FEZ1: variants seen among roughly 807,000 people sequenced by gnomAD.
FEZ1 encodes fasciculation and elongation protein zeta 1, also known as fasciculation and elongation protein zeta-1.
In FEZ1, 20 loss-of-function variants were observed where a neutral mutation model predicts 49.3. The observed-to-expected ratio is 0.41, with a 90% CI of 0.29 to 0.59. FEZ1 has a LOEUF of 0.59. Among genes scored for constraint, FEZ1 ranks in the 20% least tolerant of loss-of-function variants. The pLI is 0.36. For missense variants in FEZ1, 413 were observed against 476.0 expected (o/e 0.87, Z 1.23); for synonymous variants, 170 against 180.9 (o/e 0.94, Z 0.48).
rs890475285 is a variant in FEZ1, at chr11:125,473,596, A to C, written c.411+7938T>G. On this transcript the variant is annotated intron_variant, in intron 3 of 9. Transcript: ENST00000278919. ...CACTTTGGGAGGCCAAGACGGGTGGATCACTTGAGGTCAGGAGTTCAAGAC... is the reference window on the plus strand; with the variant it reads ...CACTTTGGGAGGCCAAGACGGGTGGCTCACTTGAGGTCAGGAGTTCAAGAC... 1.5e-4 allele frequency among the ~76,000 whole-genome samples: 23 copies of C among 152,186 alleles called. 1 individual carries two copies. Among genetic ancestry groups the C allele is most frequent in the African/African-American group, 5.5e-4 (23 of 41,456 alleles).
chr11:125,456,690 C>T (rs1291358908), intron 5 of FEZ1, among the ~76,000 whole-genome samples: 1 of 152,140 alleles, frequency 6.6e-6, no homozygotes, highest in African/African-American at 2.4e-5. Context: ...AGCGGGTTAG[C>T]ATACGGCAGT....
At position 125,480,283 on chromosome 11, in the gene FEZ1, G is replaced by A. The variant is rs373071057; in HGVS notation, c.411+1251C>T. ...CCCAGCTACTCGGGGAGGGGGTGGT[G>A]GGTAAGGCTGGAGGATCACTTGAGC... On this transcript the variant is annotated intron_variant, in intron 3 of 9. Coordinates refer to ENST00000278919, the MANE Select transcript of FEZ1 (RefSeq NM_005103.5). Among the ~76,000 whole-genome samples, 7 of 152,146 alleles carry A rather than the reference G, an allele frequency of 4.6e-5. No individual in the cohort carries two copies. The South Asian group carries it at 1.2e-3, about 27-fold the overall frequency.
At chr11:125,449,441 A>AAAAAAAAAAAAAAAAAGG (rs796507357) in intron 8 of FEZ1, among the ~76,000 whole-genome samples, 1 of 128,152 alleles carries the variant, frequency 7.8e-6, no homozygotes, top group African/African-American at 2.8e-5. Flanking sequence ...AAAAAAAAAA[A>AAAAAAAAAAAAAAAAAGG]AAGAAGAAGA....
chr11:125,487,483 G>A (rs559286279), intron 2 of FEZ1, among the ~76,000 whole-genome samples: 18 of 152,184 alleles, frequency 1.2e-4, no homozygotes, highest in African/African-American at 3.4e-4. Context: ...GCACTAGAAC[G>A]AAAAAATATT....
chr11:125,473,105 C>A (rs982766509), intron 3 of FEZ1, among the ~76,000 whole-genome samples: 25 of 151,854 alleles, frequency 1.6e-4, no homozygotes, highest in African/African-American at 5.6e-4. Flanking sequence ...CAAGACTTAC[C>A]ATAAAGCTAC....
Position 125,455,016 on chromosome 11 carries a change from C to CA in FEZ1, c.940-807dup, listed in dbSNP as rs542942487. ...GCAACAGAGTGAGACTCCATCTCAC[C>CA]AAAAAAAAAAAAAAGAAAAAAAAAA... is the stretch of plus-strand genomic sequence containing the variant. On this transcript the variant is annotated intron_variant, in intron 6 of 9. Transcript: ENST00000278919. Among the ~76,000 whole-genome samples, 495 of 54,612 alleles carry CA rather than the reference C, an allele frequency of 9.1e-3. 4 individuals carry two copies. The highest frequency in any genetic ancestry group is 0.016 in the African/African-American group (228 of 13,966). 35.8% of individuals were successfully genotyped at this position (54,612 alleles called of 152,430 possible).
intron 2 of FEZ1, 120 bp from the exon 3 acceptor site, chr11:125,481,753 C>T (rs1957281291): frequency 4.0e-6 from 3 of 752,610 alleles, no homozygotes; most frequent in Non-Finnish European, 7.2e-6. Context: ...AGATCATCTG[C>T]CTTCCAGCAT....
chr11:125,481,074 G>GA (rs1045965716), intron 3 of FEZ1, among the ~76,000 whole-genome samples: 2 of 151,300 alleles, frequency 1.3e-5, no homozygotes, highest in African/African-American at 2.4e-5. Context: ...AGTAATGGCA[G>GA]AAAAAAAATT....
At chr11:125,488,485 C>T (rs972968837) in intron 2 of FEZ1, among the ~76,000 whole-genome samples, 1 of 152,190 alleles carries the variant, frequency 6.6e-6, no homozygotes, top group Non-Finnish European at 1.5e-5. Flanking sequence ...TCGAGACCAG[C>T]CTGGCCAACA....
intron 5 of FEZ1, among the ~76,000 whole-genome samples, chr11:125,457,612 A>C (rs1160956653): frequency 6.9e-6 from 1 of 145,048 alleles, no homozygotes; most frequent in Admixed American, 7.1e-5. Context: ...GGAAGAATTA[A>C]TTGATTGACT....
chr11:125,479,225 T>G (rs763535317), intron 3 of FEZ1, among the ~76,000 whole-genome samples: 9 of 152,200 alleles, frequency 5.9e-5, no homozygotes, highest in Non-Finnish European at 1.3e-4. Context: ...AGGATATATA[T>G]GGCTACATTT....
At chr11:125,470,861 A>T (rs993970334) in intron 3 of FEZ1, among the ~76,000 whole-genome samples, 2 of 152,212 alleles carry the variant, frequency 1.3e-5, no homozygotes, top group African/African-American at 4.8e-5. Context: ...TTCTTAAAAG[A>T]CAACTAACTG....
intron 5 of FEZ1, among the ~76,000 whole-genome samples, chr11:125,457,429 A>AATATATATATATAT (rs145878447): frequency 9.6e-5 from 2 of 20,912 alleles, no homozygotes; most frequent in Admixed American, 1.1e-3. Flanking sequence ...AAAAAAAAAA[A>AATATATATATATAT]ATATATATAT....
chr11:125,455,682 T>C, intron 6 of FEZ1, 153 bp downstream of exon 6: 2 of 771,026 alleles, frequency 2.6e-6, no homozygotes, highest in South Asian at 3.1e-5. Context: ...AGGTGATATC[T>C]TCTCCCTTTC....
At position 125,443,806 on chromosome 11, in the gene FEZ1, C is replaced by A. The variant is rs1339782334; in HGVS notation, c.*2289G>T. Among the ~76,000 whole-genome samples the A allele has an allele frequency of 6.6e-6, 1 of 152,208 alleles. No homozygotes were observed. Among genetic ancestry groups the A allele is most frequent in the African/African-American group, 2.4e-5 (1 of 41,462 alleles). On this transcript the variant is annotated 3_prime_UTR_variant, in exon 10 of 10. Transcript: ENST00000278919. Reference sequence around the variant, plus strand: ...GTTTTCAGCCTGCCCTGCTCACCTCCTCCTAGCCAGAGTGTATCCCCAACA... The same window carrying A: ...GTTTTCAGCCTGCCCTGCTCACCTCATCCTAGCCAGAGTGTATCCCCAACA...
intron 4 of FEZ1, among the ~76,000 whole-genome samples, chr11:125,462,125 T>C (rs1215066550): frequency 6.6e-6 from 1 of 152,206 alleles, no homozygotes; most frequent in African/African-American, 2.4e-5. Context: ...CACCTTTCTA[T>C]CACAGATATG....
intron 9 of FEZ1, among the ~76,000 whole-genome samples, chr11:125,446,527 G>A (rs996228135): frequency 1.2e-4 from 19 of 152,140 alleles, no homozygotes; most frequent in African/African-American, 4.3e-4. Flanking sequence ...CCAGCCCTCC[G>A]ACTACCAAAT....
chr11:125,467,210 T>G (rs1412627419), intron 3 of FEZ1, among the ~76,000 whole-genome samples: 2 of 152,064 alleles, frequency 1.3e-5, no homozygotes, highest in Non-Finnish European at 2.9e-5. Flanking sequence ...AGATTTTTTT[T>G]GTTTTGAATT....
chr11:125,470,797 G>A (rs765878546), intron 3 of FEZ1, among the ~76,000 whole-genome samples: 6 of 152,158 alleles, frequency 3.9e-5, no homozygotes, highest in Non-Finnish European at 7.4e-5. Context: ...TGCCAGAAAT[G>A]ATAAATACAT....
Sources: allele counts gnomAD v4.1 joint callset (sites outside exome capture counted in the v4.1 genomes callset), GRCh38; gene constraint gnomAD v4.1.1; transcripts MANE v1.5; gene names NCBI Gene and HGNC (gene_info 2026-07-23, HGNC 2026-07-21).